Variants in MCM3AP observed in about 807,000 individuals in gnomAD.
The protein encoded by MCM3AP is minichromosome maintenance complex component 3 associated protein.
A neutral mutation model predicts 184.1 loss-of-function variants in MCM3AP; 126 were observed. The ratio of observed to expected loss-of-function variants is 0.68; its 90% CI spans 0.59 to 0.79. MCM3AP has a LOEUF of 0.79. Among genes scored for constraint, MCM3AP ranks in the 30% least tolerant of loss-of-function variants. The pLI, the probability that MCM3AP is intolerant of heterozygous loss-of-function variation, is 0.00. For missense variants in MCM3AP, 2,496 were observed against 2,479.2 expected (o/e 1.01, Z -0.14); for synonymous variants, 1,002 against 979.3 (o/e 1.02, Z -0.43).
chr21:46,283,064 G>T (rs13047115), intron 2 of MCM3AP, among the ~76,000 whole-genome samples: 61,877 of 151,230 alleles, frequency 0.41, 13,186 homozygotes, highest in Admixed American at 0.48. Context: ...TAGCTGAGAT[G>T]ACAGGCGCGA....
At position 46,259,048 on chromosome 21, in the gene MCM3AP, A is replaced by G. The variant is rs777526475; in HGVS notation, c.3625T>C (p.Cys1209Arg). ...TDQRVRVARC[C>R]EDVCAHLVDL... The stretch of plus-strand genomic sequence containing the variant: ...ACTAAGTGGGCACAGACATCCTCAC[A>G]GCAACGGGCCACACGGACCCTCTGG... The change falls in exon 16 of 28, where the codon TGT becomes CGT. Residue 1209 changes from cysteine (C) to arginine (R), a missense_variant. By Grantham distance (180) the Cys-to-Arg change is radical (BLOSUM62 -3). Around this residue, in one of 5 missense-constraint regions of MCM3AP, gnomAD observed 1,323 missense variants for 1,273.4 expected, o/e 1.04. Transcript: ENST00000291688. 34 of 1,614,112 alleles carry G rather than the reference A, an allele frequency of 2.1e-5. No homozygotes were observed. Among genetic ancestry groups the G allele is most frequent in the Non-Finnish European group, 2.8e-5 (33 of 1,180,004 alleles).
At chr21:46,239,856 A>T (rs1425886442) in intron 26 of MCM3AP, among the ~76,000 whole-genome samples, 1 of 152,202 alleles carries the variant, frequency 6.6e-6, no homozygotes, top group East Asian at 1.9e-4. Context: ...GGGACCACGG[A>T]CATCCTAGGA....
chr21:46,246,876 C>T lies in MCM3AP; in HGVS notation c.4301G>A (p.Gly1434Asp). ...ATCAATGGCACCATCACTGAGGGCG[C>T]CATGGGCCACCTGCAACAGCATCAA... ...SVNVCIKVAH[G>D]ALSDGAIDAV... is the part of the protein sequence containing the mutation. Residue 1434 changes from glycine to aspartate, a missense_variant, in exon 21 of 28, where the codon GGC (glycine) becomes GAC (aspartate). This residue lies in a region of MCM3AP where 1,323 missense variants were observed against 1,273.4 expected (regional missense o/e 1.04). Transcript: ENST00000291688. The T allele has an allele frequency of 6.2e-7, 1 of 1,613,638 alleles. No individual in the cohort carries two copies. Among genetic ancestry groups the T allele is most frequent in the South Asian group, 1.1e-5 (1 of 91,072 alleles).
At chr21:46,242,781 C>T (rs1601485664) in intron 25 of MCM3AP, 21 bp downstream of exon 25, 1 of 1,589,390 alleles carries the variant, frequency 6.3e-7, no homozygotes, top group African/African-American at 1.4e-5. Flanking sequence ...GCAACAGAAA[C>T]ATACTGAACA....
chr21:46,266,935 A>G lies in MCM3AP; in HGVS notation c.2789+47T>C, dbSNP rs780138449. The G allele has an allele frequency of 2.5e-6, 4 of 1,602,912 alleles. No individual in the cohort carries two copies. In the Admixed American group the frequency reaches 6.8e-5, roughly 27 times the overall value. On this transcript the variant is annotated intron_variant, in intron 10 of 27. Transcript: ENST00000291688. ...TTCACAGCCCTTCATCAGAATTAAC[A>G]AGAAAAAAGGAGACAGGGGCCCCAC...
At chr21:46,241,610 G>GT (rs1372514103) in intron 25 of MCM3AP, 1 of 152,894 alleles carries the variant, frequency 6.5e-6, no homozygotes, top group Non-Finnish European at 1.5e-5. Context: ...GAGCTTTACT[G>GT]TATGTCTTGG....
At chr21:46,244,566 T>C (rs920347223) in intron 23 of MCM3AP, 8 of 561,838 alleles carry the variant, frequency 1.4e-5, no homozygotes, top group Non-Finnish European at 1.6e-5. Context: ...TGAACTCCCA[T>C]GGACTGCCTT....
chr21:46,266,402 G>A, intron 10 of MCM3AP: 1 of 405,024 alleles, frequency 2.5e-6, no homozygotes, highest in South Asian at 6.6e-5. Flanking sequence ...CCTCCTTGCT[G>A]GCTCACCCAA....
intron 25 of MCM3AP, chr21:46,241,326 C>T: frequency 3.8e-6 from 1 of 265,190 alleles, no homozygotes. Flanking sequence ...TGGAGCTTCT[C>T]TGCTTCATGT....
Position 46,260,883 on chromosome 21 carries a change from A to C in MCM3AP, c.3491T>G (p.Val1164Gly), listed in dbSNP as rs2081032533. The C allele has an allele frequency of 6.2e-7, 1 of 1,613,578 alleles. No homozygotes were observed. The highest frequency in any genetic ancestry group is 8.5e-7 in the Non-Finnish European group (1 of 1,179,480). ...EERLKQEREL[V>G]LSELSQGLAV... is the part of the protein sequence containing the mutation. ...CAGGCCCTGGCTCAGCTCACTTAAC[A>C]CCAGCTCTCTCTCTTGTTTCAACCT... Residue 1164 changes from valine to glycine, a missense_variant, in exon 15 of 28, where the codon GTG becomes GGG. Around this residue, in one of 5 missense-constraint regions of MCM3AP, gnomAD observed 1,323 missense variants for 1,273.4 expected, o/e 1.04. Coordinates refer to ENST00000291688, the MANE Select transcript of MCM3AP (RefSeq NM_003906.5).
chr21:46,255,869 A>G (rs552537133), intron 17 of MCM3AP, among the ~76,000 whole-genome samples: 1 of 152,212 alleles, frequency 6.6e-6, no homozygotes, highest in East Asian at 1.9e-4. Flanking sequence ...CCATGACTCC[A>G]GGAGAAGGCC....
At chr21:46,264,008 T>C (rs1458203359) in intron 13 of MCM3AP, 109 bp downstream of exon 13, 2 of 634,864 alleles carry the variant, frequency 3.2e-6, no homozygotes, top group Non-Finnish European at 2.8e-6. Flanking sequence ...AATAACTTAT[T>C]GGATTATGAC....
intron 17 of MCM3AP, chr21:46,256,446 G>C (rs957194293): frequency 1.9e-5 from 6 of 316,958 alleles, no homozygotes; most frequent in Non-Finnish European, 3.6e-5. Context: ...GGCCAGCGTG[G>C]ACCTCCGGCT....
chr21:46,270,474 A>G lies in MCM3AP; in HGVS notation c.2555T>C (p.Phe852Ser), dbSNP rs750749898. Reference protein sequence around the residue: ...QAFAALNSNNFVRFFKLVQSA... With the variant: ...QAFAALNSNNSVRFFKLVQSA... ...CTGGACCAGTTTGAAAAATCTCACA[A>G]AATTATTACTGTTCAATGCAGCAAA... Residue 852 changes from phenylalanine (F) to serine (S), a missense_variant, in exon 9 of 28, where the codon TTT becomes TCT. Transcript: ENST00000291688. 8.7e-6 allele frequency: 14 copies of G among 1,614,038 alleles called. No individual in the cohort carries two copies. Among genetic ancestry groups the G allele is most frequent in the Non-Finnish European group, 1.2e-5 (14 of 1,179,934 alleles).
In MCM3AP at chr21:46,254,408, G is replaced by A. The variant is rs950604254; in HGVS notation, c.4120C>T (p.Pro1374Ser). 1 of 1,614,128 alleles carries A rather than the reference G, an allele frequency of 6.2e-7. No homozygotes were observed. The highest frequency in any genetic ancestry group is 8.5e-7 in the Non-Finnish European group (1 of 1,180,048). ...LVLPDVEEQS[P>S]ESCGRILANW... is the part of the protein sequence containing the mutation. The stretch of plus-strand genomic sequence containing the variant: ...CTTCCTGACCTGCCACAACTCTCTG[G>A]GGACTGCTCCTCTACATCCGGCAAC... Residue 1374 changes from proline to serine, a missense_variant, in exon 19 of 28, where the codon CCA becomes TCA. Transcript: ENST00000291688.
Position 46,254,406 on chromosome 21 carries a change from TG to T in MCM3AP, c.4121del (p.Pro1374GlnfsTer8). On this transcript the variant is annotated frameshift_variant, in exon 19 of 28. Coordinates refer to ENST00000291688, the MANE Select transcript of MCM3AP (RefSeq NM_003906.5). LOFTEE classifies it high-confidence loss of function. ...LVLPDVEEQS[P>X]ESCGRILANW... ...CCCTTCCTGACCTGCCACAACTCTC[TG>T]GGGACTGCTCCTCTACATCCGGCAA... 6.2e-7 allele frequency: 1 copy of T among 1,614,192 alleles called. No homozygotes were observed. Among genetic ancestry groups the T allele is most frequent in the Non-Finnish European group, 8.5e-7 (1 of 1,180,046 alleles).
At position 46,272,665 on chromosome 21, in the gene MCM3AP, C is replaced by G; in HGVS notation, c.2361G>C (p.Lys787Asn). Residue 787 changes from lysine (K) to asparagine (N), a missense_variant, in exon 8 of 28, where the codon AAG becomes AAC. Around this residue, in one of 5 missense-constraint regions of MCM3AP, gnomAD observed 105 missense variants for 97.1 expected, o/e 1.08. Transcript: ENST00000291688. The stretch of plus-strand genomic sequence containing the variant: ...TGTTTCTCAGGTCCTGGTACATCTC[C>G]TTCAGGCTCTGCAGGCACTTGGTCA... Reference protein sequence around the residue: ...ENMTKCLQSLKEMYQDLRNKG... With the variant: ...ENMTKCLQSLNEMYQDLRNKG... The G allele has an allele frequency of 6.2e-7, 1 of 1,614,208 alleles. No individual in the cohort carries two copies. Among genetic ancestry groups the G allele is most frequent in the Non-Finnish European group, 8.5e-7 (1 of 1,180,046 alleles).
intron 7 of MCM3AP, 89 bp downstream of exon 7, chr21:46,273,299 A>G: frequency 7.9e-7 from 1 of 1,267,516 alleles, no homozygotes; most frequent in Non-Finnish European, 1.1e-6. Flanking sequence ...TTTGTTACAG[A>G]TAAAATATAT....
intron 11 of MCM3AP, 114 bp downstream of exon 11, chr21:46,265,811 G>A (rs754143619): frequency 7.5e-7 from 1 of 1,325,320 alleles, no homozygotes; most frequent in African/African-American, 1.5e-5. Context: ...CAAGACAGGT[G>A]CTCAGGCTCC....
Sources: allele counts gnomAD v4.1 joint callset (sites outside exome capture counted in the v4.1 genomes callset), GRCh38; gene constraint gnomAD v4.1.1; regional missense constraint gnomAD v4.1.1; transcripts MANE v1.5; gene names NCBI Gene and HGNC (gene_info 2026-07-23, HGNC 2026-07-21).